ATP5F1E: variants seen among roughly 807,000 people sequenced by gnomAD.
The protein encoded by ATP5F1E is ATP synthase F(1) complex subunit epsilon, mitochondrial.
A neutral mutation model predicts 7.0 loss-of-function variants in ATP5F1E; 5 were observed. The ratio of observed to expected loss-of-function variants is 0.71; its 90% CI spans 0.37 to 1.49. ATP5F1E has a LOEUF of 1.49. Among genes scored for constraint, ATP5F1E ranks in the 40% most tolerant of loss-of-function variants. The probability of loss-of-function intolerance (pLI) is 0.03; values close to 1 mark genes in which losing one functional copy is unlikely to be tolerated. For missense variants in ATP5F1E, 59 were observed against 57.1 expected, an observed-to-expected ratio of 1.03 and a Z score of -0.11; for synonymous variants, 20 against 20.1, an observed-to-expected ratio of 0.99 and a Z score of 0.02.
rs762632732 is a variant in ATP5F1E at position 59,032,288 on chromosome 20, C to T, written c.-37G>A. 4.4e-6 allele frequency: 7 copies of T among 1,592,020 alleles called. No homozygotes were observed. The African/African-American group carries it at 5.4e-5, about 12-fold the overall frequency. ...AGCGGAGCTCGTCGGGCCGAATCGC[C>T]AAGACGCCGGCAATGTCGGCTCAGC... is the stretch of plus-strand genomic sequence containing the variant. On this transcript the variant is annotated 5_prime_UTR_variant, in exon 1 of 3. Coordinates refer to ENST00000243997, the MANE Select transcript of ATP5F1E (RefSeq NM_006886.4).
rs960678429 is a variant in ATP5F1E, at chr20:59,028,062, C to T, written c.*783G>A. 3 of 152,204 alleles carry T rather than the reference C, an allele frequency of 2.0e-5. No homozygotes were observed. Among genetic ancestry groups the T allele is most frequent in the African/African-American group, 7.2e-5 (3 of 41,444 alleles). 9.4% of individuals were successfully genotyped at this position (152,204 alleles called of 1,614,324 possible). A position where few individuals can be genotyped will look rare whatever the true frequency, so the allele number is the denominator to read the frequency against. Reference sequence around the variant, plus strand: ...AGAAAGATAAAAACATAACTTGCAACAATTTTTCATCCCTAAATAATGAAT... The same window carrying T: ...AGAAAGATAAAAACATAACTTGCAATAATTTTTCATCCCTAAATAATGAAT... On this transcript the variant is annotated 3_prime_UTR_variant, in exon 3 of 3. Coordinates refer to ENST00000243997, the MANE Select transcript of ATP5F1E (RefSeq NM_006886.4).
chr20:59,032,210 C>T lies in ATP5F1E; in HGVS notation c.32+10G>A. 1 of 1,577,600 alleles carries T rather than the reference C, an allele frequency of 6.3e-7. No individual in the cohort carries two copies. The highest frequency in any genetic ancestry group is 8.6e-7 in the Non-Finnish European group (1 of 1,163,444). The stretch of plus-strand genomic sequence containing the variant: ...TCGCGAAGCCCTTCCCTCTGGAGGC[C>T]TGGGCCTACCTGAGTCCAGCCTGTC... On this transcript the variant is annotated intron_variant, in intron 1 of 2. Coordinates refer to ENST00000243997, the MANE Select transcript of ATP5F1E (RefSeq NM_006886.4).
chr20:59,031,722 T>A (rs1014683863), intron 1 of ATP5F1E, among the ~76,000 whole-genome samples: 2 of 152,150 alleles, frequency 1.3e-5, no homozygotes, highest in Non-Finnish European at 2.9e-5. Flanking sequence ...TAAGGAAACC[T>A]GAAATCAACA....
intron 1 of ATP5F1E, among the ~76,000 whole-genome samples, chr20:59,031,261 G>C (rs192651923): frequency 9.1e-4 from 138 of 152,216 alleles, no homozygotes; most frequent in Non-Finnish European, 1.8e-3. Flanking sequence ...TCACTCACCT[G>C]AAAAAAACAA....
intron 2 of ATP5F1E, 141 bp downstream of exon 2, chr20:59,030,162 T>G: frequency 8.6e-7 from 1 of 1,158,286 alleles, no homozygotes; most frequent in South Asian, 1.4e-5. Flanking sequence ...CTGCATGCTT[T>G]AAATTATACC....
rs1231148717 is a variant in ATP5F1E, at chr20:59,032,308, C to CTCAGCCGGGCGGT, written c.-70_-58dup. On this transcript the variant is annotated 5_prime_UTR_variant, in exon 1 of 3. Coordinates refer to ENST00000243997, the MANE Select transcript of ATP5F1E (RefSeq NM_006886.4). Reference sequence around the variant, plus strand: ...ATCGCCAAGACGCCGGCAATGTCGGCTCAGCCGGGCGGTTCAGCCGCAGGA... The same window carrying CTCAGCCGGGCGGT: ...ATCGCCAAGACGCCGGCAATGTCGGCTCAGCCGGGCGGTTCAGCCGGGCGGTTCAGCCGCAGGA... 8.3e-6 allele frequency: 13 copies of CTCAGCCGGGCGGT among 1,572,608 alleles called. No individual in the cohort carries two copies. In the Admixed American group the frequency reaches 1.3e-4, roughly 16 times the overall value.
Position 59,030,341 on chromosome 20 carries a change from T to G in ATP5F1E, c.121A>C (p.Ser41Arg). 6.2e-7 allele frequency: 1 copy of G among 1,614,008 alleles called. No homozygotes were observed. Among genetic ancestry groups the G allele is most frequent in the African/African-American group, 1.3e-5 (1 of 75,058 alleles). Residue 41 changes from serine (S) to arginine (R), a missense_variant, in exon 2 of 3, where the codon AGC becomes CGC. Transcript: ENST00000243997. ...FKANAEKTSG[S>R]NVKIVKVKKE Reference sequence around the variant, plus strand: ...TTTACTTTCACAATTTTTACGTTGCTGCCAGAAGTCTTCTCAGCATTTGCT... The same window carrying G: ...TTTACTTTCACAATTTTTACGTTGCGGCCAGAAGTCTTCTCAGCATTTGCT...
Position 59,031,821 on chromosome 20 carries a change from C to G in ATP5F1E, c.32+399G>C, listed in dbSNP as rs112076900. 2.3e-3 allele frequency among the ~76,000 whole-genome samples: 358 copies of G among 152,368 alleles called. 2 individuals are homozygous for G. The highest frequency in any genetic ancestry group is 8.3e-3 in the African/African-American group (345 of 41,586). On this transcript the variant is annotated intron_variant, in intron 1 of 2. Coordinates refer to ENST00000243997, the MANE Select transcript of ATP5F1E (RefSeq NM_006886.4). ...AAAGGTCAAAGCTGCTAACGGCGGT[C>G]ACGTGGAGAGAAATCTCCTGTTTCC...
chr20:59,030,051 C>A, intron 2 of ATP5F1E: 1 of 388,996 alleles, frequency 2.6e-6, no homozygotes, highest in South Asian at 2.1e-5. Context: ...GGCTCTCTAC[C>A]TAAGCATTGC....
chr20:59,030,678 T>G (rs1213439846), intron 1 of ATP5F1E, among the ~76,000 whole-genome samples: 1 of 152,234 alleles, frequency 6.6e-6, no homozygotes, highest in African/African-American at 2.4e-5. Flanking sequence ...TTGTACTGTG[T>G]TTTCTCTTTA....
rs761811095 is a variant in ATP5F1E, at chr20:59,032,286, G to T, written c.-35C>A. On this transcript the variant is annotated 5_prime_UTR_variant, in exon 1 of 3. Coordinates refer to ENST00000243997, the MANE Select transcript of ATP5F1E (RefSeq NM_006886.4). ...AAAGCGGAGCTCGTCGGGCCGAATC[G>T]CCAAGACGCCGGCAATGTCGGCTCA... The T allele has an allele frequency of 5.0e-6, 8 of 1,592,290 alleles. No individual in the cohort carries two copies. The Admixed American group carries it at 1.1e-4, about 21-fold the overall frequency.
At chr20:59,029,415 A>G (rs993718907) in intron 2 of ATP5F1E, 4 of 152,248 alleles carry the variant, frequency 2.6e-5, no homozygotes, top group Admixed American at 6.5e-5. Context: ...ATTCAAAATG[A>G]AAATGAAAAG....
At position 59,027,330 on chromosome 20, in the gene ATP5F1E, C is replaced by T. The variant is rs2091999864; in HGVS notation, c.*1515G>A. Reference sequence around the variant, plus strand: ...AATCTGCCAATATACTACCAATCTACCATACCATCTATATACCAGTAATAC... The same window carrying T: ...AATCTGCCAATATACTACCAATCTATCATACCATCTATATACCAGTAATAC... On this transcript the variant is annotated 3_prime_UTR_variant, in exon 3 of 3. Coordinates refer to ENST00000243997, the MANE Select transcript of ATP5F1E (RefSeq NM_006886.4). 6.6e-6 allele frequency: 1 copy of T among 152,078 alleles called. No homozygotes were observed. Among genetic ancestry groups the T allele is most frequent in the South Asian group, 2.1e-4 (1 of 4,810 alleles). The allele number at this position is 152,078 out of a possible 1,614,324, so 9.4% of individuals were successfully genotyped here.
chr20:59,030,106 G>A, intron 2 of ATP5F1E, 197 bp downstream of exon 2: 1 of 506,458 alleles, frequency 2.0e-6, no homozygotes, highest in Non-Finnish European at 3.4e-6. Flanking sequence ...TGCTTGTCAG[G>A]GCCCAAGAAG....
intron 2 of ATP5F1E, chr20:59,029,579 T>C (rs750540629): frequency 1.3e-5 from 2 of 152,276 alleles, no homozygotes; most frequent in Non-Finnish European, 2.9e-5. Context: ...CTCTGATAAT[T>C]TGCCTTGCCT....
At position 59,032,309 on chromosome 20, in the gene ATP5F1E, T is replaced by C; in HGVS notation, c.-58A>G. 1 of 1,572,482 alleles carries C rather than the reference T, an allele frequency of 6.4e-7. No individual in the cohort carries two copies. The highest frequency in any genetic ancestry group is 8.6e-7 in the Non-Finnish European group (1 of 1,158,508). On this transcript the variant is annotated 5_prime_UTR_variant, in exon 1 of 3. Coordinates refer to ENST00000243997, the MANE Select transcript of ATP5F1E (RefSeq NM_006886.4). ...TCGCCAAGACGCCGGCAATGTCGGC[T>C]CAGCCGGGCGGTTCAGCCGCAGGAA... is the stretch of plus-strand genomic sequence containing the variant.
intron 2 of ATP5F1E, 34 bp downstream of exon 2, chr20:59,030,269 T>C: frequency 1.2e-6 from 2 of 1,610,536 alleles, no homozygotes; most frequent in Non-Finnish European, 1.7e-6. Context: ...AAACTTAAGA[T>C]GCAACTGTTC....
At chr20:59,029,752 T>C (rs1440679451) in intron 2 of ATP5F1E, 1 of 166,478 alleles carries the variant, frequency 6.0e-6, no homozygotes, top group Non-Finnish European at 1.3e-5. Flanking sequence ...AACCAAACCC[T>C]CTGAAAGCAT....
intron 1 of ATP5F1E, among the ~76,000 whole-genome samples, chr20:59,031,840 T>C (rs1416550792): frequency 6.6e-6 from 1 of 152,272 alleles, no homozygotes; most frequent in Non-Finnish European, 1.5e-5. Context: ...AGAAATCTCC[T>C]GTTTCCCGAG....
Sources: gnomAD v4.1 joint callset for allele counts (sites outside exome capture counted in the v4.1 genomes callset) on GRCh38, gnomAD v4.1.1 for gene constraint, MANE v1.5 for transcripts, NCBI Gene and HGNC (gene_info 2026-07-23, HGNC 2026-07-21) for gene names.